The following SGK2 variants were observed in gnomAD, a reference collection of about 807,000 sequenced individuals.
SGK2 encodes the protein serine/threonine-protein kinase Sgk2.
Under a neutral mutation model 47.5 loss-of-function variants are expected in SGK2, and 36 were observed. The observed-to-expected ratio is 0.76, with a 90% CI of 0.58 to 1.00. SGK2 has a LOEUF of 1.00. SGK2 is among the 50% of genes least tolerant of loss of function. SGK2 has a pLI of 0.00. For synonymous variants in SGK2, 157 were observed against 181.9 expected (o/e 0.86, Z 1.10); for missense variants, 404 against 467.4 (o/e 0.86, Z 1.25).
chr20:43,574,838 G>C, intron 9 of SGK2, 71 bp from the exon 10 acceptor site: 1 of 1,112,836 alleles, frequency 9.0e-7, no homozygotes, highest in Non-Finnish European at 1.4e-6. Flanking sequence ...CTTCCTCCAA[G>C]TGCCTTATTT....
chr20:43,573,386 G>A (rs184152363), intron 9 of SGK2, among the ~76,000 whole-genome samples: 120 of 152,146 alleles, frequency 7.9e-4, no homozygotes, highest in African/African-American at 2.6e-3. Flanking sequence ...CTACTCAGGA[G>A]GCTGAGGCAG....
intron 1 of SGK2, among the ~76,000 whole-genome samples, chr20:43,561,000 G>A (rs1377484723): frequency 6.6e-6 from 1 of 152,224 alleles, no homozygotes; most frequent in Non-Finnish European, 1.5e-5. Flanking sequence ...TAGGGAATGA[G>A]CAGGACTGGT....
rs56229314 is a variant in SGK2, at chr20:43,570,667, G to T, written c.411G>T (p.Arg137Ser). The T allele has an allele frequency of 3.1e-6, 5 of 1,613,460 alleles. No individual in the cohort carries two copies. The Admixed American group carries it at 6.7e-5, about 22-fold the overall frequency. ...GCCGGTTCCTGGAGCCCCGGGCCAG[G>T]TTCTACGCTGCTGAGGTGGCCAGCG... ...RERRFLEPRARFYAAEVASAI... is the reference protein window; with the variant it reads ...RERRFLEPRASFYAAEVASAI... Residue 137 changes from arginine (R) to serine (S), a missense_variant, in exon 7 of 13, where the codon AGG (arginine) becomes AGT (serine). Transcript: ENST00000373100.
Position 43,566,482 on chromosome 20 carries a change from A to C in SGK2, c.-14A>C, listed in dbSNP as rs1461796781. 1.2e-6 allele frequency: 2 copies of C among 1,613,984 alleles called. No individual in the cohort carries two copies. Among genetic ancestry groups the C allele is most frequent in the Non-Finnish European group, 1.7e-6 (2 of 1,179,984 alleles). ...CTCCCTGTCCCCCCAGAGCTGCCTG[A>C]TCATTGCTACAGAATGAACTCTAGC... On this transcript the variant is annotated 5_prime_UTR_variant, in exon 2 of 13. Transcript: ENST00000373100.
intron 11 of SGK2, among the ~76,000 whole-genome samples, chr20:43,579,116 C>G (rs1980641061): frequency 6.6e-6 from 1 of 151,244 alleles, no homozygotes; most frequent in Non-Finnish European, 1.5e-5. Flanking sequence ...CTCCCGGGTT[C>G]AAGTGATTCT....
At chr20:43,559,616 C>T in intron 1 of SGK2, among the ~76,000 whole-genome samples, 1 of 152,144 alleles carries the variant, frequency 6.6e-6, no homozygotes, top group Middle Eastern at 3.2e-3. Context: ...AAAATAAGAT[C>T]AAGTTGGCAC....
intron 2 of SGK2, 33 bp downstream of exon 2, chr20:43,566,564 G>A: frequency 6.9e-7 from 1 of 1,455,190 alleles, no homozygotes; most frequent in Non-Finnish European, 9.6e-7. Flanking sequence ...CCCATCATCG[G>A]GGGCTCACTT....
chr20:43,585,114 C>T lies in SGK2; in HGVS notation c.*98C>T, dbSNP rs1292399075. On this transcript the variant is annotated 3_prime_UTR_variant, in exon 13 of 13. Coordinates refer to ENST00000373100, the MANE Select transcript of SGK2 (RefSeq NM_170693.3). Reference sequence around the variant, plus strand: ...CGACTCAAACTAACAATGGCTTCAACGAGAAGCAGGTTTATTTTTTCCAGC... The same window carrying T: ...CGACTCAAACTAACAATGGCTTCAATGAGAAGCAGGTTTATTTTTTCCAGC... 6.8e-6 allele frequency: 8 copies of T among 1,172,216 alleles called. No homozygotes were observed. The highest frequency in any genetic ancestry group is 2.3e-4 in the Middle Eastern group (1 of 4,328). The allele number at this position is 1,172,216 out of a possible 1,614,324, so 72.6% of individuals were successfully genotyped here. A position where few individuals can be genotyped will look rare whatever the true frequency, so the allele number is the denominator to read the frequency against.
chr20:43,574,285 G>A (rs898950342), intron 9 of SGK2, among the ~76,000 whole-genome samples: 1 of 152,180 alleles, frequency 6.6e-6, no homozygotes, highest in African/African-American at 2.4e-5. Flanking sequence ...TCTTCCTCAT[G>A]CAAGGCATAG....
chr20:43,567,595 A>T, intron 3 of SGK2, 70 bp from the exon 4 acceptor site: 1 of 1,411,448 alleles, frequency 7.1e-7, no homozygotes, highest in East Asian at 2.3e-5. Flanking sequence ...AAAGAAGCCC[A>T]GGTTTGTTCT....
intron 5 of SGK2, among the ~76,000 whole-genome samples, chr20:43,568,526 A>C (rs1447564866): frequency 1.3e-5 from 2 of 151,926 alleles, no homozygotes; most frequent in Admixed American, 6.6e-5. Context: ...TCTGTCACCC[A>C]GGCTGGAGTG....
chr20:43,571,149 G>A (rs1439241419), intron 8 of SGK2, 89 bp downstream of exon 8: 7 of 1,584,560 alleles, frequency 4.4e-6, no homozygotes, highest in East Asian at 2.2e-5. Flanking sequence ...TGTGTACATG[G>A]GTGTGCATGC....
At position 43,571,064 on chromosome 20, in the gene SGK2, G is replaced by GGTGGGTGGGTGTGTGTGTGTGT. The variant is rs796100790; in HGVS notation, c.510+7_510+8insGGTGGGTGTGTGTGTGTGTGTG. 2.4e-5 allele frequency: 38 copies of GGTGGGTGGGTGTGTGTGTGTGT among 1,566,038 alleles called. No homozygotes were observed. In the East Asian group the frequency reaches 2.7e-4, roughly 11 times the overall value. On this transcript the variant is annotated splice_donor_region_variant and intron_variant, in intron 8 of 12. Coordinates refer to ENST00000373100, the MANE Select transcript of SGK2 (RefSeq NM_170693.3). The stretch of plus-strand genomic sequence containing the variant: ...GAACATTCTCTTGGACTGCCAGGTT[G>GGTGGGTGGGTGTGTGTGTGTGT]GTGTGTGTGTGTGTGTGTGTGTGTG...
chr20:43,583,179 A>C lies in SGK2; in HGVS notation c.940-1673A>C. 3 of 1,288,092 alleles carry C rather than the reference A, an allele frequency of 2.3e-6. No individual in the cohort carries two copies. The South Asian group carries it at 3.7e-5, about 16-fold the overall frequency. 79.8% of individuals were successfully genotyped at this position (1,288,092 alleles called of 1,614,324 possible). ...AACTTGTCTTTGGGCACTGGATCAGATAGGATACACTCGGGCCAGGCACCA... is the reference window on the plus strand; with the variant it reads ...AACTTGTCTTTGGGCACTGGATCAGCTAGGATACACTCGGGCCAGGCACCA... On this transcript the variant is annotated intron_variant, in intron 12 of 12. Transcript: ENST00000373100.
At chr20:43,575,499 A>G (rs1278381769) in intron 10 of SGK2, among the ~76,000 whole-genome samples, 3 of 151,700 alleles carry the variant, frequency 2.0e-5, no homozygotes, top group Non-Finnish European at 2.9e-5. Flanking sequence ...TTTACAACAC[A>G]CTGTCTCACC....
intron 9 of SGK2, among the ~76,000 whole-genome samples, chr20:43,574,071 G>A (rs1353003523): frequency 6.6e-6 from 1 of 152,090 alleles, no homozygotes; most frequent in Non-Finnish European, 1.5e-5. Flanking sequence ...TTTTTAGGAT[G>A]AAAAAACCAG....
chr20:43,569,695 C>T (rs1979979816), intron 6 of SGK2, 179 bp downstream of exon 6: 1 of 636,722 alleles, frequency 1.6e-6, no homozygotes, highest in Non-Finnish European at 2.7e-6. Context: ...CCACCCAGCG[C>T]ATACCTGGTA....
At position 43,567,686 on chromosome 20, in the gene SGK2, C is replaced by G. The variant is rs761088243; in HGVS notation, c.108C>G (p.Asp36Glu). 6.2e-7 allele frequency: 1 copy of G among 1,614,196 alleles called. No individual in the cohort carries two copies. Among genetic ancestry groups the G allele is most frequent in the South Asian group, 1.1e-5 (1 of 91,086 alleles). The change falls in exon 4 of 13, where the codon GAC (aspartate) becomes GAG (glutamate). Residue 36 changes from aspartate to glutamate, a missense_variant. Asp to Glu is a conservative substitution (Grantham distance 45). Transcript: ENST00000373100. ...CCAGTGCCCAGCCCACGGACTTCGA[C>G]TTCCTCAAAGTCATCGGCAAAGGGA... ...ANPNAQPTDF[D>E]FLKVIGKGNY...
At chr20:43,577,461 C>G (rs1196727943) in intron 11 of SGK2, among the ~76,000 whole-genome samples, 1 of 148,812 alleles carries the variant, frequency 6.7e-6, no homozygotes, top group Non-Finnish European at 1.5e-5. Context: ...AAGCGATTCT[C>G]CTGCCTCAGC....
Sources: gnomAD v4.1 joint callset for allele counts (sites outside exome capture counted in the v4.1 genomes callset) on GRCh38, gnomAD v4.1.1 for gene constraint, MANE v1.5 for transcripts, NCBI Gene and HGNC (gene_info 2026-07-23, HGNC 2026-07-21) for gene names.